Variants in SPIDR observed in about 807,000 individuals in gnomAD.
SPIDR encodes the protein DNA repair-scaffolding protein.
A neutral mutation model predicts 104.6 loss-of-function variants in SPIDR; 93 were observed. That is an observed-to-expected ratio of 0.89 (90% CI 0.75 to 1.06). The LOEUF (loss-of-function observed/expected upper bound fraction) is 1.06, where lower values mean the gene tolerates loss of function less well. Among genes scored for constraint, SPIDR ranks in the 50% least tolerant of loss-of-function variants. The probability of loss-of-function intolerance (pLI) is 0.00; values close to 1 mark genes in which losing one functional copy is unlikely to be tolerated. For missense variants in SPIDR, 1,154 were observed against 1,111.2 expected (o/e 1.04, Z -0.55); for synonymous variants, 431 against 416.9 (o/e 1.03, Z -0.41).
At position 47,303,198 on chromosome 8, in the gene SPIDR, T is replaced by C. The variant is rs991464550; in HGVS notation, c.525+9168T>C. Among the ~76,000 whole-genome samples, 39 of 152,320 alleles carry C rather than the reference T, an allele frequency of 2.6e-4. 1 individual carries two copies. The highest frequency in any genetic ancestry group is 9.1e-4 in the African/African-American group (38 of 41,590). On this transcript the variant is annotated intron_variant, in intron 5 of 19. Coordinates refer to ENST00000297423, the MANE Select transcript of SPIDR (RefSeq NM_001080394.4). Reference sequence around the variant, plus strand: ...GCCTTGCAGTTTGATCTCAGACTGCTGTGCTAGCAATGAGCGAGGCTCCGT... The same window carrying C: ...GCCTTGCAGTTTGATCTCAGACTGCCGTGCTAGCAATGAGCGAGGCTCCGT...
intron 8 of SPIDR, among the ~76,000 whole-genome samples, chr8:47,490,049 A>C (rs1234893757): frequency 6.6e-6 from 1 of 152,226 alleles, no homozygotes; most frequent in Admixed American, 6.5e-5. Flanking sequence ...AGAAACTACC[A>C]TCAGAGTGAA....
At chr8:47,727,115 A>C in intron 16 of SPIDR, 85 bp from the exon 17 acceptor site, 2 of 1,142,864 alleles carry the variant, frequency 1.7e-6, no homozygotes, top group Non-Finnish European at 2.6e-6. Context: ...GAGGCCCCTC[A>C]TGTTGTCCTC....
intron 1 of SPIDR, among the ~76,000 whole-genome samples, chr8:47,273,313 T>TA (rs1429400009): frequency 6.6e-6 from 1 of 152,230 alleles, no homozygotes; most frequent in African/African-American, 2.4e-5. Context: ...GGGAAATACT[T>TA]ACCTTTACTG....
chr8:47,495,924 G>A (rs2079379107), intron 8 of SPIDR, among the ~76,000 whole-genome samples: 2 of 151,822 alleles, frequency 1.3e-5, no homozygotes, highest in South Asian at 2.1e-4. Context: ...GTACCATCCC[G>A]TCAAGTGTTT....
rs571182502 is a variant in SPIDR, at chr8:47,567,229, T to A, written c.1098-28582T>A. ...GGATAAACTATATATATATATATATTTTTTTTCTTTTTTTAGTTTTGCTCT... is the reference window on the plus strand; with the variant it reads ...GGATAAACTATATATATATATATATATTTTTTCTTTTTTTAGTTTTGCTCT... On this transcript the variant is annotated intron_variant, in intron 8 of 19. Transcript: ENST00000297423. 9.5e-4 allele frequency among the ~76,000 whole-genome samples: 144 copies of A among 150,990 alleles called. 1 individual carries two copies. Among genetic ancestry groups the A allele is most frequent in the South Asian group, 8.7e-3 (42 of 4,802 alleles).
rs769268183 is a variant in SPIDR, at chr8:47,718,774, TC to T, written c.2341+5137del. On this transcript the variant is annotated intron_variant, in intron 16 of 19. Transcript: ENST00000297423. ...AAGCAATGGCAGGATTCTTTTTTTTTCCCCTCAACTTTTAAGTTCTGGGGTA... is the reference window on the plus strand; with the variant it reads ...AAGCAATGGCAGGATTCTTTTTTTTTCCCTCAACTTTTAAGTTCTGGGGTA... Among the ~76,000 whole-genome samples, 9 of 152,124 alleles carry T rather than the reference TC, an allele frequency of 5.9e-5. No homozygotes were observed. The South Asian group carries it at 1.2e-3, about 21-fold the overall frequency.
At chr8:47,524,275 A>G (rs2084638327) in intron 8 of SPIDR, among the ~76,000 whole-genome samples, 1 of 152,200 alleles carries the variant, frequency 6.6e-6, no homozygotes, top group Non-Finnish European at 1.5e-5. Context: ...AAGTACTGTC[A>G]TTGTGTGGAT....
chr8:47,283,134 G>A (rs905887267), intron 2 of SPIDR, among the ~76,000 whole-genome samples: 1 of 152,224 alleles, frequency 6.6e-6, no homozygotes, highest in Non-Finnish European at 1.5e-5. Flanking sequence ...GGGATTACAG[G>A]CGTGAGCCAC....
rs939826428 is a variant in SPIDR at position 47,736,189 on chromosome 8, T to C, written c.*739T>C. On this transcript the variant is annotated 3_prime_UTR_variant, in exon 20 of 20. Coordinates refer to ENST00000297423, the MANE Select transcript of SPIDR (RefSeq NM_001080394.4). ...TAATTATCTTTGGACACTATAAAGA[T>C]TTTGTTCCCTTCCTTATAGCAATAT... The C allele has an allele frequency of 6.5e-6, 1 of 152,980 alleles. No homozygotes were observed. The highest frequency in any genetic ancestry group is 1.5e-5 in the Non-Finnish European group (1 of 68,562). 9.5% of individuals were successfully genotyped at this position (152,980 alleles called of 1,614,324 possible). A position where few individuals can be genotyped will look rare whatever the true frequency, so the allele number is the denominator to read the frequency against.
chr8:47,480,500 A>T (rs2076782712), intron 8 of SPIDR, among the ~76,000 whole-genome samples: 1 of 152,228 alleles, frequency 6.6e-6, no homozygotes, highest in Non-Finnish European at 1.5e-5. Flanking sequence ...AGCTCTTAAA[A>T]ATGAGGAAAT....
intron 14 of SPIDR, among the ~76,000 whole-genome samples, chr8:47,711,161 T>A (rs1356033026): frequency 6.6e-6 from 1 of 152,192 alleles, no homozygotes; most frequent in Non-Finnish European, 1.5e-5. Context: ...TTACCATATT[T>A]AAGCTGGTTC....
intron 8 of SPIDR, among the ~76,000 whole-genome samples, chr8:47,466,940 G>GAGAT (rs2074950687): frequency 7.2e-6 from 1 of 138,244 alleles, no homozygotes; most frequent in Non-Finnish European, 1.6e-5. Context: ...TAGATAGATA[G>GAGAT]ATAGATAGAT....
intron 7 of SPIDR, among the ~76,000 whole-genome samples, chr8:47,425,243 A>G (rs1464986044): frequency 6.6e-6 from 1 of 152,094 alleles, no homozygotes; most frequent in East Asian, 1.9e-4. Flanking sequence ...ACAGGTACCA[A>G]GCTGGCAGGT....
intron 19 of SPIDR, 97 bp from the exon 20 acceptor site, chr8:47,735,210 A>G (rs1467786133): frequency 1.7e-6 from 2 of 1,184,022 alleles, no homozygotes; most frequent in Non-Finnish European, 2.5e-6. Context: ...TGGACTGGGG[A>G]AAGGGCCTTC....
rs142552518 is a variant in SPIDR at position 47,592,309 on chromosome 8, A to G, written c.1098-3502A>G. Reference sequence around the variant, plus strand: ...ATAGCAGAACTGTGTGCGGATCTGCAGTGCTGGGGACCAGTTACCTTTCAA... The same window carrying G: ...ATAGCAGAACTGTGTGCGGATCTGCGGTGCTGGGGACCAGTTACCTTTCAA... On this transcript the variant is annotated intron_variant, in intron 8 of 19. Transcript: ENST00000297423. The G allele has an allele frequency of 1.3e-3, 1,398 of 1,093,964 alleles. 2 individuals carry two copies. Among genetic ancestry groups the G allele is most frequent in the Non-Finnish European group, 1.8e-3 (1,287 of 707,984 alleles). 67.8% of individuals were successfully genotyped at this position (1,093,964 alleles called of 1,614,324 possible).
chr8:47,618,022 A>G (rs2064577019), intron 10 of SPIDR, among the ~76,000 whole-genome samples: 1 of 152,186 alleles, frequency 6.6e-6, no homozygotes, highest in African/African-American at 2.4e-5. Context: ...GATTTCCTTT[A>G]GGCCAAAAGA....
intron 11 of SPIDR, among the ~76,000 whole-genome samples, chr8:47,683,689 G>A (rs1589155722): frequency 6.6e-6 from 1 of 152,160 alleles, no homozygotes; most frequent in Admixed American, 6.5e-5. Context: ...TCCTTTGAGT[G>A]TCACATCAGT....
intron 14 of SPIDR, among the ~76,000 whole-genome samples, chr8:47,708,744 A>G (rs1463386446): frequency 6.6e-6 from 1 of 152,150 alleles, no homozygotes; most frequent in East Asian, 1.9e-4. Context: ...CCTTTTCAGA[A>G]TATTGTATAA....
chr8:47,585,400 T>C (rs1026974713), intron 8 of SPIDR, among the ~76,000 whole-genome samples: 1 of 152,232 alleles, frequency 6.6e-6, no homozygotes, highest in Non-Finnish European at 1.5e-5. Flanking sequence ...TTTAGATTGA[T>C]TAATGTTATA....
Sources: allele counts gnomAD v4.1 joint callset (sites outside exome capture counted in the v4.1 genomes callset), GRCh38; gene constraint gnomAD v4.1.1; transcripts MANE v1.5; gene names NCBI Gene and HGNC (gene_info 2026-07-23, HGNC 2026-07-21).